CFAP57: variants seen among roughly 807,000 people sequenced by gnomAD.
CFAP57 encodes cilia- and flagella-associated protein 57.
In CFAP57, 116 loss-of-function variants were observed where a neutral mutation model predicts 146.8. The observed-to-expected ratio is 0.79, with a 90% CI of 0.68 to 0.92. CFAP57 has a LOEUF of 0.92. Among genes scored for constraint, CFAP57 ranks in the 40% least tolerant of loss-of-function variants. The pLI, the probability that CFAP57 is intolerant of heterozygous loss-of-function variation, is 0.00. For synonymous variants in CFAP57, 518 were observed against 552.8 expected (o/e 0.94, Z 0.88); for missense variants, 1,377 against 1,527.2 (o/e 0.90, Z 1.64).
At chr1:43,211,772 G>A (rs1220997040) in intron 11 of CFAP57, among the ~76,000 whole-genome samples, 1 of 150,690 alleles carries the variant, frequency 6.6e-6, no homozygotes, top group East Asian at 2.0e-4. Context: ...CATGATTTTA[G>A]TAGCTACACA....
At chr1:43,246,867 T>C (rs527301352) in intron 22 of CFAP57, among the ~76,000 whole-genome samples, 1 of 152,334 alleles carries the variant, frequency 6.6e-6, no homozygotes, top group African/African-American at 2.4e-5. Flanking sequence ...ACCTTTTTTA[T>C]TACTACTTAA....
chr1:43,175,727 A>C (rs1354287324), intron 2 of CFAP57, among the ~76,000 whole-genome samples: 1 of 151,440 alleles, frequency 6.6e-6, no homozygotes, highest in Non-Finnish European at 1.5e-5. Context: ...GCTGGTCTTG[A>C]ACTCCTGAAC....
chr1:43,192,459 T>TA (rs569026080), intron 6 of CFAP57, among the ~76,000 whole-genome samples: 61 of 152,142 alleles, frequency 4.0e-4, no homozygotes, highest in Middle Eastern at 3.4e-3. Flanking sequence ...CCGTGTCTAC[T>TA]AAAAAAATAC....
intron 15 of CFAP57, 126 bp from the exon 16 acceptor site, chr1:43,222,698 C>A: frequency 8.8e-7 from 1 of 1,132,168 alleles, no homozygotes; most frequent in Non-Finnish European, 1.2e-6. Flanking sequence ...GTCTCCGTTT[C>A]TGGAATGACA....
chr1:43,231,592 G>A (rs1398225757), intron 18 of CFAP57, among the ~76,000 whole-genome samples: 2 of 151,770 alleles, frequency 1.3e-5, no homozygotes, highest in Non-Finnish European at 2.9e-5. Flanking sequence ...AGTGGCTCAT[G>A]CCTGTAATCC....
chr1:43,231,097 A>G (rs1645448726), intron 18 of CFAP57, among the ~76,000 whole-genome samples: 1 of 152,106 alleles, frequency 6.6e-6, no homozygotes, highest in South Asian at 2.1e-4. Context: ...TGTCCACCAC[A>G]CTTGCCATTA....
chr1:43,214,436 G>A (rs1427672212), intron 11 of CFAP57, among the ~76,000 whole-genome samples: 2 of 152,092 alleles, frequency 1.3e-5, no homozygotes, highest in East Asian at 1.9e-4. Flanking sequence ...GTTGTGTTGT[G>A]TATCAATCAT....
chr1:43,249,876 A>G (rs1027044923), intron 22 of CFAP57, among the ~76,000 whole-genome samples: 1 of 152,138 alleles, frequency 6.6e-6, no homozygotes, highest in African/African-American at 2.4e-5. Flanking sequence ...TCATCTGTCA[A>G]AGAAGGCATA....
intron 4 of CFAP57, 64 bp from the exon 5 acceptor site, chr1:43,185,085 C>T (rs1167459116): frequency 7.0e-6 from 11 of 1,561,620 alleles, no homozygotes; most frequent in Non-Finnish European, 8.8e-6. Flanking sequence ...TTTCTCCTCC[C>T]CAGCAGAATT....
At position 43,198,595 on chromosome 1, in the gene CFAP57, C is replaced by T. The variant is rs752046800; in HGVS notation, c.1377C>T (p.Leu459=). The T allele has an allele frequency of 3.1e-5, 50 of 1,613,852 alleles. No homozygotes were observed. The Middle Eastern group carries it at 2.5e-3, about 80-fold the overall frequency. Residue 459 remains leucine (L), a synonymous_variant, in exon 8 of 23, where the codon CTC becomes CTT. Transcript: ENST00000372492. ...FADKLRLMNL[L]IDDIRSFKEY... is the part of the protein sequence containing the mutation. ...ACAAACTACGCCTCATGAATCTACT[C>T]ATTGATGATATACGTTCTTTCAAAG...
At chr1:43,240,273 C>G (rs1645861172) in intron 21 of CFAP57, among the ~76,000 whole-genome samples, 2 of 152,178 alleles carry the variant, frequency 1.3e-5, no homozygotes, top group African/African-American at 4.8e-5. Flanking sequence ...CTCTAGAGAC[C>G]TGCTTTGCCT....
At chr1:43,174,213 G>A (rs1022411288) in intron 2 of CFAP57, among the ~76,000 whole-genome samples, 2 of 151,846 alleles carry the variant, frequency 1.3e-5, no homozygotes, top group African/African-American at 2.4e-5. Flanking sequence ...TTTCAGTTTG[G>A]GGCATTTTTC....
chr1:43,177,318 G>A, intron 2 of CFAP57: 1 of 408,542 alleles, frequency 2.4e-6, no homozygotes, highest in South Asian at 1.8e-5. Flanking sequence ...ACCATGTGGG[G>A]TGGAAGCAGG....
intron 2 of CFAP57, among the ~76,000 whole-genome samples, chr1:43,173,278 C>A (rs954757024): frequency 2.4e-4 from 37 of 152,144 alleles, no homozygotes; most frequent in African/African-American, 8.2e-4. Flanking sequence ...CCGTTTGAAT[C>A]CAAGTATGAT....
chr1:43,184,936 C>A, intron 4 of CFAP57: 1 of 569,324 alleles, frequency 1.8e-6, no homozygotes, highest in Non-Finnish European at 3.2e-6. Flanking sequence ...CCTCTGTCTA[C>A]TCCACACGCC....
rs1409409394 is a variant in CFAP57 at position 43,181,885 on chromosome 1, T to TA, written c.474+41dup. 5.6e-6 allele frequency: 9 copies of TA among 1,606,474 alleles called. No homozygotes were observed. In the Admixed American group the frequency reaches 1.0e-4, roughly 18 times the overall value. On this transcript the variant is annotated intron_variant, in intron 3 of 22. Coordinates refer to ENST00000372492, the MANE Select transcript of CFAP57 (RefSeq NM_001378189.1). Reference sequence around the variant, plus strand: ...AGTGTGACAAGTATCGTGAAAATTATAAAAAATAGAACTACTTTTTATTGA... The same window carrying TA: ...AGTGTGACAAGTATCGTGAAAATTATAAAAAAATAGAACTACTTTTTATTGA...
chr1:43,224,740 G>A lies in CFAP57; in HGVS notation c.2865+536G>A, dbSNP rs557340415. Among the ~76,000 whole-genome samples the A allele has an allele frequency of 3.3e-5, 5 of 152,310 alleles. No individual in the cohort carries two copies. In the South Asian group the frequency reaches 1.0e-3, roughly 32 times the overall value. ...TGTGGGGCAGATACCTCAATACCCA[G>A]TATGTAGTATCATCCTCCTGAGCAC... On this transcript the variant is annotated intron_variant, in intron 17 of 22. Coordinates refer to ENST00000372492, the MANE Select transcript of CFAP57 (RefSeq NM_001378189.1).
intron 6 of CFAP57, among the ~76,000 whole-genome samples, chr1:43,189,790 A>G (rs544511173): frequency 1.3e-5 from 2 of 152,338 alleles, no homozygotes; most frequent in East Asian, 3.9e-4. Context: ...TTACAATCAT[A>G]GTGGAAGATG....
chr1:43,247,889 G>T (rs1161908813), intron 22 of CFAP57, among the ~76,000 whole-genome samples: 2 of 152,116 alleles, frequency 1.3e-5, no homozygotes, highest in Non-Finnish European at 2.9e-5. Flanking sequence ...ACTTTGGGAG[G>T]CCAACGTGGG....
Sources: allele counts gnomAD v4.1 joint callset (sites outside exome capture counted in the v4.1 genomes callset), GRCh38; gene constraint gnomAD v4.1.1; transcripts MANE v1.5; gene names NCBI Gene and HGNC (gene_info 2026-07-23, HGNC 2026-07-21).